Variants in EPS15L1 observed in about 807,000 individuals in gnomAD.
The protein encoded by EPS15L1 is epidermal growth factor receptor substrate 15-like 1.
In EPS15L1, 43 loss-of-function variants were observed where a neutral mutation model predicts 117.1. That is an observed-to-expected ratio of 0.37 (90% CI 0.29 to 0.47). The LOEUF (loss-of-function observed/expected upper bound fraction) is 0.47, where lower values mean the gene tolerates loss of function less well. EPS15L1 is among the 20% of genes least tolerant of loss of function. The pLI is 0.99. For synonymous variants in EPS15L1, 459 were observed against 470.5 expected (o/e 0.98, Z 0.32); for missense variants, 981 against 1,164.0 (o/e 0.84, Z 2.29).
In EPS15L1 at chr19:16,433,040, G is replaced by A. The variant is rs534804248; in HGVS notation, c.498+1325C>T. ...TGCCCAAGCTGGACTCAAACTCCTG[G>A]ACTCAAGTAATCTGCCCGCCCCAGC... On this transcript the variant is annotated intron_variant, in intron 7 of 23. Coordinates refer to ENST00000455140, the MANE Select transcript of EPS15L1 (RefSeq NM_001258374.3). Among the ~76,000 whole-genome samples, 496 of 151,838 alleles carry A rather than the reference G, an allele frequency of 3.3e-3. 1 individual carries two copies. The highest frequency in any genetic ancestry group is 0.011 in the African/African-American group (473 of 41,418).
intron 1 of EPS15L1, among the ~76,000 whole-genome samples, chr19:16,464,865 CA>C (rs2093287411): frequency 6.6e-6 from 1 of 152,092 alleles, no homozygotes; most frequent in African/African-American, 2.4e-5. Context: ...GGGCAGATCA[CA>C]AGGTCAGATC....
chr19:16,427,366 A>G (rs2092882456), intron 8 of EPS15L1, among the ~76,000 whole-genome samples: 1 of 152,128 alleles, frequency 6.6e-6, no homozygotes, highest in Non-Finnish European at 1.5e-5. Flanking sequence ...TCAGTTCTGG[A>G]GTTTTCTGAA....
chr19:16,371,913 C>T lies in EPS15L1; in HGVS notation c.2380+5209G>A, dbSNP rs2092230230. Among the ~76,000 whole-genome samples the T allele has an allele frequency of 6.6e-6, 1 of 152,206 alleles. No individual in the cohort carries two copies. The highest frequency in any genetic ancestry group is 6.5e-5 in the Admixed American group (1 of 15,282). ...AGGTGTGTGCCACGGCTAACTTTAACCTAACTCTAACTGACAGGTTTCGGC... is the reference window on the plus strand; with the variant it reads ...AGGTGTGTGCCACGGCTAACTTTAATCTAACTCTAACTGACAGGTTTCGGC... On this transcript the variant is annotated intron_variant, in intron 22 of 23. Transcript: ENST00000455140. The surrounding 1 kb of genome is among the most constrained non-coding windows in gnomAD (Gnocchi z 4.7).
intron 11 of EPS15L1, among the ~76,000 whole-genome samples, 155 bp downstream of exon 11, chr19:16,417,793 G>A (rs1201777714): frequency 5.3e-5 from 8 of 152,192 alleles, no homozygotes; most frequent in Admixed American, 1.3e-4. Flanking sequence ...AAATACCTGG[G>A]CAGCCAAGCC....
At chr19:16,455,311 T>C (rs1464592420) in intron 1 of EPS15L1, among the ~76,000 whole-genome samples, 1 of 126,808 alleles carries the variant, frequency 7.9e-6, no homozygotes, top group Non-Finnish European at 1.6e-5. Context: ...TTTGTAAAGA[T>C]TGGGGGGGTC....
chr19:16,466,560 A>G (rs1343507749), intron 1 of EPS15L1, among the ~76,000 whole-genome samples: 1 of 152,072 alleles, frequency 6.6e-6, no homozygotes. Context: ...TCCAGCAAAA[A>G]GAAGATGCCA....
chr19:16,370,564 T>G lies in EPS15L1; in HGVS notation c.2380+6558A>C, dbSNP rs1225599389. Among the ~76,000 whole-genome samples, 1 of 152,084 alleles carries G rather than the reference T, an allele frequency of 6.6e-6. No individual in the cohort carries two copies. The highest frequency in any genetic ancestry group is 1.9e-4 in the East Asian group (1 of 5,184). On this transcript the variant is annotated intron_variant, in intron 22 of 23. Coordinates refer to ENST00000455140, the MANE Select transcript of EPS15L1 (RefSeq NM_001258374.3). The surrounding 1 kb of genome is among the most constrained non-coding windows in gnomAD (Gnocchi z 5.2). ...CCAGGCCTCAGCATTTGCACCCCACTGAACACCAGATGATAATCGAGTCAC... is the reference window on the plus strand; with the variant it reads ...CCAGGCCTCAGCATTTGCACCCCACGGAACACCAGATGATAATCGAGTCAC...
At chr19:16,439,329 G>GT (rs1181218340) in intron 4 of EPS15L1, among the ~76,000 whole-genome samples, 2 of 152,150 alleles carry the variant, frequency 1.3e-5, no homozygotes, top group Non-Finnish European at 2.9e-5. Flanking sequence ...AAGGAATTAA[G>GT]TAAGTTTAGA....
intron 23 of EPS15L1, chr19:16,356,834 G>T (rs1371672604): frequency 6.6e-6 from 1 of 152,138 alleles, no homozygotes; most frequent in Non-Finnish European, 1.5e-5. Context: ...CCCCAGGGTG[G>T]GTCCCAATGT....
intron 1 of EPS15L1, among the ~76,000 whole-genome samples, chr19:16,464,457 C>T (rs2093281292): frequency 6.6e-6 from 1 of 152,196 alleles, no homozygotes; most frequent in East Asian, 1.9e-4. Flanking sequence ...GTCAGTTCGG[C>T]CGATTTGTAG....
chr19:16,440,117 A>G (rs2093016464), intron 4 of EPS15L1, among the ~76,000 whole-genome samples: 1 of 150,954 alleles, frequency 6.6e-6, no homozygotes, highest in African/African-American at 2.4e-5. Context: ...AAGTTACACC[A>G]ATGTCTACTT....
rs535351414 is a variant in EPS15L1 at position 16,444,788 on chromosome 19, G to A, written c.34-2569C>T. 2.0e-5 allele frequency among the ~76,000 whole-genome samples: 3 copies of A among 151,006 alleles called. 1 individual carries two copies. The highest frequency in any genetic ancestry group is 4.2e-4 in the South Asian group (2 of 4,782). ...GTCACCCAAGCTGGAGAGCAGTGGC[G>A]CAATCTCAGCTCATTGCAATCTCTG... On this transcript the variant is annotated intron_variant, in intron 1 of 23. Coordinates refer to ENST00000455140, the MANE Select transcript of EPS15L1 (RefSeq NM_001258374.3).
chr19:16,412,853 G>T, intron 13 of EPS15L1: 1 of 553,012 alleles, frequency 1.8e-6, no homozygotes, highest in East Asian at 4.3e-5. Flanking sequence ...GCTTGCAGAG[G>T]CAAGGCCGAG....
chr19:16,453,970 A>T (rs187944805), intron 1 of EPS15L1, among the ~76,000 whole-genome samples: 16 of 152,322 alleles, frequency 1.1e-4, no homozygotes, highest in Admixed American at 4.6e-4. Flanking sequence ...TAAGTGTGAC[A>T]AATGAGGAGA....
chr19:16,359,073 C>T (rs2092019088), intron 23 of EPS15L1, among the ~76,000 whole-genome samples: 1 of 152,178 alleles, frequency 6.6e-6, no homozygotes, highest in Non-Finnish European at 1.5e-5. Flanking sequence ...GGGGCACCAC[C>T]TCCACAAGTG....
At chr19:16,411,780 G>T (rs2092708143) in intron 13 of EPS15L1, among the ~76,000 whole-genome samples, 1 of 152,128 alleles carries the variant, frequency 6.6e-6, no homozygotes, top group Non-Finnish European at 1.5e-5. Context: ...GCTCACTACT[G>T]CCTTAAACTC....
chr19:16,414,503 C>T (rs1006421105), intron 12 of EPS15L1, among the ~76,000 whole-genome samples: 1 of 151,712 alleles, frequency 6.6e-6, no homozygotes, highest in African/African-American at 2.4e-5. Flanking sequence ...CCAGTTCAAG[C>T]GATTCTCCTG....
intron 1 of EPS15L1, among the ~76,000 whole-genome samples, chr19:16,452,856 G>A (rs895853347): frequency 6.6e-6 from 1 of 151,842 alleles, no homozygotes; most frequent in African/African-American, 2.4e-5. Context: ...GAGCGCAGTG[G>A]CACGATCTTG....
chr19:16,449,491 G>A (rs1403974236), intron 1 of EPS15L1, among the ~76,000 whole-genome samples: 4 of 152,160 alleles, frequency 2.6e-5, no homozygotes, highest in African/African-American at 9.7e-5. Flanking sequence ...AAATGCTGGT[G>A]AGGATGCAGG....
Sources: gnomAD v4.1 joint callset for allele counts (sites outside exome capture counted in the v4.1 genomes callset) on GRCh38, gnomAD v4.1.1 for gene constraint, Gnocchi (gnomAD v3.1) non-coding constraint, MANE v1.5 for transcripts, NCBI Gene and HGNC (gene_info 2026-07-23, HGNC 2026-07-21) for gene names.